The following SEMA4C variants were observed in gnomAD, a reference collection of about 807,000 sequenced individuals.
The protein encoded by SEMA4C is semaphorin-4C.
SEMA4C carries 19 observed loss-of-function variants against 89.0 expected under a neutral mutation model. That is an observed-to-expected ratio of 0.21 (90% CI 0.15 to 0.31). SEMA4C has a LOEUF of 0.31. SEMA4C is among the 10% of genes least tolerant of loss of function. The pLI is 1.00. For synonymous variants in SEMA4C, 428 were observed against 472.7 expected, an observed-to-expected ratio of 0.91 and a Z score of 1.23; for missense variants, 811 against 1,107.0, an observed-to-expected ratio of 0.73 and a Z score of 3.79.
At chr2:96,866,030 G>C (rs2080062414) in intron 3 of SEMA4C, 101 bp from the exon 4 acceptor site, 2 of 1,271,724 alleles carry the variant, frequency 1.6e-6, no homozygotes, top group East Asian at 4.7e-5. Context: ...CCAGTGCAGA[G>C]GCATGGTCCC....
At chr2:96,868,810 G>A (rs1003237346) in intron 1 of SEMA4C, 1 of 985,270 alleles carries the variant, frequency 1.0e-6, no homozygotes. Flanking sequence ...GCGCACGGCC[G>A]GCACCCGCTG....
intron 1 of SEMA4C, chr2:96,868,564 G>A (rs2080134869): frequency 1.0e-6 from 1 of 985,840 alleles, no homozygotes; most frequent in Non-Finnish European, 1.2e-6. Flanking sequence ...CCAGCTTCCC[G>A]AGGCCCCTTT....
At position 96,861,522 on chromosome 2, in the gene SEMA4C, G is replaced by A; in HGVS notation, c.1672+57C>T. ...AGCAGGGCTGGGGAAGAGGAGAACAGAAACTCCAGCTCTGGTCCAGGGCTC... is the reference window on the plus strand; with the variant it reads ...AGCAGGGCTGGGGAAGAGGAGAACAAAAACTCCAGCTCTGGTCCAGGGCTC... On this transcript the variant is annotated intron_variant, in intron 14 of 14. Transcript: ENST00000305476. This position sits in a 1 kb window ranked among gnomAD's most constrained non-coding sequence, Gnocchi z 7.8. 1.2e-6 allele frequency: 2 copies of A among 1,608,606 alleles called. No homozygotes were observed. Among genetic ancestry groups the A allele is most frequent in the Non-Finnish European group, 1.7e-6 (2 of 1,175,564 alleles).
rs2080041991 is a variant in SEMA4C, at chr2:96,865,195, G to A, written c.634+9C>T. 5.0e-6 allele frequency: 8 copies of A among 1,613,230 alleles called. No individual in the cohort carries two copies. The East Asian group carries it at 1.8e-4, about 36-fold the overall frequency. ...ACCCATGGCTCCCACAGGCCCCCCGGTGGCTCACCGTTGAGCCAAAAGGCC... is the reference window on the plus strand; with the variant it reads ...ACCCATGGCTCCCACAGGCCCCCCGATGGCTCACCGTTGAGCCAAAAGGCC... On this transcript the variant is annotated intron_variant, in intron 7 of 14. Coordinates refer to ENST00000305476, the MANE Select transcript of SEMA4C (RefSeq NM_017789.5).
In SEMA4C at chr2:96,864,392, C is replaced by A. The variant is rs373847886; in HGVS notation, c.963-10G>T. 1.2e-6 allele frequency: 2 copies of A among 1,612,782 alleles called. No individual in the cohort carries two copies. Among genetic ancestry groups the A allele is most frequent in the Non-Finnish European group, 1.7e-6 (2 of 1,179,950 alleles). ...CAGGTACATGTCACCCCTGTCACAG[C>A]GAGAGGGAGCCCAGGGTCAGGTACC... On this transcript the variant is annotated splice_polypyrimidine_tract_variant and intron_variant, in intron 9 of 14. Transcript: ENST00000305476. The surrounding 1 kb of genome is among the most constrained non-coding windows in gnomAD (Gnocchi z 6.3).
rs1371011548 is a variant in SEMA4C, at chr2:96,860,344, C to T, written c.*282G>A. On this transcript the variant is annotated 3_prime_UTR_variant, in exon 15 of 15. Coordinates refer to ENST00000305476, the MANE Select transcript of SEMA4C (RefSeq NM_017789.5). ...TGTGCAAATACAGACAAACACACAT[C>T]TTGAAACTTCTGCCTTGAAAAGTTT... 1 of 489,594 alleles carries T rather than the reference C, an allele frequency of 2.0e-6. No homozygotes were observed. The highest frequency in any genetic ancestry group is 3.6e-6 in the Non-Finnish European group (1 of 276,574). 30.3% of individuals were successfully genotyped at this position (489,594 alleles called of 1,614,324 possible).
rs759344194 is a variant in SEMA4C at position 96,863,955 on chromosome 2, G to A, written c.1301C>T (p.Ala434Val). The A allele has an allele frequency of 1.2e-6, 2 of 1,613,082 alleles. No homozygotes were observed. Among genetic ancestry groups the A allele is most frequent in the African/African-American group, 2.7e-5 (2 of 74,924 alleles). ...VADRVTGLDGATYTVLFIGTG... is the reference protein window; with the variant it reads ...VADRVTGLDGVTYTVLFIGTG... ...GCCAATGAACAGCACTGTATAGGTGGCTCCATCAAGTCCTGTAACCCGGTC... is the reference window on the plus strand; with the variant it reads ...GCCAATGAACAGCACTGTATAGGTGACTCCATCAAGTCCTGTAACCCGGTC... The change falls in exon 11 of 15, where the codon GCC becomes GTC. Residue 434 changes from alanine to valine, a missense_variant. By Grantham distance (64) the Ala-to-Val change is moderately conservative (BLOSUM62 0). Transcript: ENST00000305476.
intron 2 of SEMA4C, 40 bp from the exon 3 acceptor site, chr2:96,866,471 G>A: frequency 6.2e-7 from 1 of 1,613,422 alleles, no homozygotes; most frequent in African/African-American, 1.3e-5. Context: ...CAGGACCCCT[G>A]GGGCTCGACA....
chr2:96,870,691 G>A, upstream of SEMA4C: 1 of 985,526 alleles, frequency 1.0e-6, no homozygotes, highest in Non-Finnish European at 1.2e-6. Flanking sequence ...TTTGGGCAAA[G>A]CGCCTATCCC....
chr2:96,867,439 C>T (rs1160850193), intron 2 of SEMA4C, among the ~76,000 whole-genome samples: 1 of 152,154 alleles, frequency 6.6e-6, no homozygotes, highest in African/African-American at 2.4e-5. Flanking sequence ...CTTAGGGGGG[C>T]CTGGGGAGCC....
upstream of SEMA4C, chr2:96,870,557 C>G: frequency 1.0e-6 from 1 of 985,470 alleles, no homozygotes; most frequent in Non-Finnish European, 1.2e-6. Context: ...TGCCGTTTGG[C>G]CCCCAATTCT....
At chr2:96,868,422 C>T in intron 1 of SEMA4C, 1 of 999,674 alleles carries the variant, frequency 1.0e-6, no homozygotes, top group Non-Finnish European at 1.2e-6. Flanking sequence ...AAACCTGGTG[C>T]GGCCGGCTGC....
chr2:96,863,587 C>G, intron 12 of SEMA4C, 95 bp downstream of exon 12: 7 of 1,360,726 alleles, frequency 5.1e-6, no homozygotes, highest in Non-Finnish European at 6.2e-6. Context: ...TCTGCACTGG[C>G]CAAGCACATA....
upstream of SEMA4C, chr2:96,870,388 T>A (rs1362660078): frequency 1.1e-6 from 1 of 922,862 alleles, no homozygotes; most frequent in African/African-American, 1.8e-5. Context: ...CCGATCTTTC[T>A]GAAGTGTCCC....
rs1036655000 is a variant in SEMA4C at position 96,860,399 on chromosome 2, TCA to T, written c.*225_*226del. On this transcript the variant is annotated 3_prime_UTR_variant, in exon 15 of 15. Coordinates refer to ENST00000305476, the MANE Select transcript of SEMA4C (RefSeq NM_017789.5). Reference sequence around the variant, plus strand: ...GGCTGGGGTCCCGCGTGTCTGTGATTCACAGAGAGGAGGAAGATGCCTTCTGC... The same window carrying T: ...GGCTGGGGTCCCGCGTGTCTGTGATTCAGAGAGGAGGAAGATGCCTTCTGC... 3.2e-5 allele frequency: 17 copies of T among 524,336 alleles called. 1 individual carries two copies. In the East Asian group the frequency reaches 3.3e-4, roughly 10 times the overall value. 32.5% of individuals were successfully genotyped at this position (524,336 alleles called of 1,614,324 possible).
intron 2 of SEMA4C, chr2:96,866,788 G>T (rs2080083064): frequency 2.5e-6 from 1 of 398,682 alleles, no homozygotes; most frequent in South Asian, 2.0e-5. Context: ...CTCGGCGGCT[G>T]CTTCCTTCTT....
In SEMA4C at chr2:96,861,974, G is replaced by A. The variant is rs2079957225; in HGVS notation, c.1444-80C>T. On this transcript the variant is annotated intron_variant, in intron 12 of 14. Coordinates refer to ENST00000305476, the MANE Select transcript of SEMA4C (RefSeq NM_017789.5). This position sits in a 1 kb window ranked among gnomAD's most constrained non-coding sequence, Gnocchi z 7.8. ...GGGCGGCCGGACCAGAACGCAGCAT[G>A]GGGACAGCTTGGACTCCTGCAGGGG... 3.4e-6 allele frequency: 5 copies of A among 1,480,624 alleles called. No homozygotes were observed. The African/African-American group carries it at 6.9e-5, about 21-fold the overall frequency. The allele number at this position is 1,480,624 out of a possible 1,614,324, so 91.7% of individuals were successfully genotyped here.
At chr2:96,869,618 A>T in intron 1 of SEMA4C, 1 of 985,102 alleles carries the variant, frequency 1.0e-6, no homozygotes, top group Non-Finnish European at 1.2e-6. Flanking sequence ...GGACCGCGCG[A>T]GGAACCCTCG....
Position 96,864,591 on chromosome 2 carries a change from G to C in SEMA4C, c.962+114C>G. 1 of 1,403,546 alleles carries C rather than the reference G, an allele frequency of 7.1e-7. No homozygotes were observed. Among genetic ancestry groups the C allele is most frequent in the Non-Finnish European group, 9.7e-7 (1 of 1,031,788 alleles). The allele number at this position is 1,403,546 out of a possible 1,614,324, so 86.9% of individuals were successfully genotyped here. ...GGTGCCAGCATTCTCCTTGGCTTCT[G>C]GACACCTGGCTTCCGGGACTGCCTC... On this transcript the variant is annotated intron_variant, in intron 9 of 14. Coordinates refer to ENST00000305476, the MANE Select transcript of SEMA4C (RefSeq NM_017789.5). The surrounding 1 kb of genome is among the most constrained non-coding windows in gnomAD (Gnocchi z 6.3).
Sources: allele counts gnomAD v4.1 joint callset (sites outside exome capture counted in the v4.1 genomes callset), GRCh38; gene constraint gnomAD v4.1.1; non-coding constraint Gnocchi (gnomAD v3.1); transcripts MANE v1.5; gene names NCBI Gene and HGNC (gene_info 2026-07-23, HGNC 2026-07-21).